The following TOPAZ1 variants were observed in gnomAD, a reference collection of about 807,000 sequenced individuals.
TOPAZ1 encodes protein TOPAZ1.
Under a neutral mutation model 172.2 loss-of-function variants are expected in TOPAZ1, and 66 were observed. That is an observed-to-expected ratio of 0.38 (90% CI 0.31 to 0.47). The LOEUF is 0.47. TOPAZ1 is among the 20% of genes least tolerant of loss of function. TOPAZ1 has a pLI of 0.99. For synonymous variants in TOPAZ1, 681 were observed against 683.9 expected, an observed-to-expected ratio of 1.00 and a Z score of 0.07; for missense variants, 1,822 against 1,972.4, an observed-to-expected ratio of 0.92 and a Z score of 1.44.
In TOPAZ1 at chr3:44,268,363, A is replaced by ATTTTTTTTTTTTTTTTTTTTTTT. The variant is rs1293339613; in HGVS notation, c.3161-851_3161-850insTTTTTTTTTTTTTTTTTTTTTTT. ...AAAGAGTGTAAGCTCTGTGGTGCCT[A>ATTTTTTTTTTTTTTTTTTTTTTT]TTCTTTTTTTTTTTTTTTTTTTTTT... On this transcript the variant is annotated intron_variant, in intron 6 of 19. Coordinates refer to ENST00000309765, the MANE Select transcript of TOPAZ1 (RefSeq NM_001145030.2). Among the ~76,000 whole-genome samples, 2 of 91,758 alleles carry ATTTTTTTTTTTTTTTTTTTTTTT rather than the reference A, an allele frequency of 2.2e-5. 1 individual carries two copies. Among genetic ancestry groups the ATTTTTTTTTTTTTTTTTTTTTTT allele is most frequent in the Non-Finnish European group, 4.4e-5 (2 of 45,472 alleles). The allele number at this position is 91,758 out of a possible 152,430, so 60.2% of individuals were successfully genotyped here.
intron 9 of TOPAZ1, among the ~76,000 whole-genome samples, chr3:44,285,431 A>G (rs1559537165): frequency 6.6e-6 from 1 of 152,120 alleles, no homozygotes; most frequent in Non-Finnish European, 1.5e-5. Context: ...ACAACACTGC[A>G]CTCCAGCACT....
rs891619028 is a variant in TOPAZ1 at position 44,243,878 on chromosome 3, A to G, written c.1372A>G (p.Asn458Asp). 11 of 1,551,796 alleles carry G rather than the reference A, an allele frequency of 7.1e-6. No individual in the cohort carries two copies. The highest frequency in any genetic ancestry group is 1.4e-5 in the African/African-American group (1 of 72,990). The change falls in exon 2 of 20, where the codon AAT becomes GAT. Residue 458 changes from asparagine to aspartate, a missense_variant. Coordinates refer to ENST00000309765, the MANE Select transcript of TOPAZ1 (RefSeq NM_001145030.2). ...GAAAAGCTTCATAGGGAAATCACCT[A>G]ATGAGTACCATATTGAAAGGAGATC... ...SMKSFIGKSP[N>D]EYHIERRSSR...
chr3:44,281,003 AACCCCCTACATTAGTCTCAGG>A (rs1400720294), intron 8 of TOPAZ1, among the ~76,000 whole-genome samples: 2 of 152,178 alleles, frequency 1.3e-5, no homozygotes, highest in African/African-American at 4.8e-5. Flanking sequence ...TTTTCCAGGC[AACCCCCTACATTAGTCTCAGG>A]ACCCACAAGG....
rs1559532492 is a variant in TOPAZ1 at position 44,270,829 on chromosome 3, T to G, written c.3372+19T>G. ...TGAAAAGGTAAAACATATAAAGTCT[T>G]TAAAGTAGAGATTGTTTTAATAACT... On this transcript the variant is annotated intron_variant, in intron 8 of 19. Coordinates refer to ENST00000309765, the MANE Select transcript of TOPAZ1 (RefSeq NM_001145030.2). The G allele has an allele frequency of 5.2e-6, 8 of 1,532,244 alleles. No homozygotes were observed. The highest frequency in any genetic ancestry group is 7.0e-6 in the Non-Finnish European group (8 of 1,139,236). The allele number at this position is 1,532,244 out of a possible 1,614,324, so 94.9% of individuals were successfully genotyped here. A position where few individuals can be genotyped will look rare whatever the true frequency, so the allele number is the denominator to read the frequency against.
chr3:44,242,040 C>G lies in TOPAZ1; in HGVS notation c.-14C>G. 1.9e-6 allele frequency: 3 copies of G among 1,538,786 alleles called. No homozygotes were observed. Among genetic ancestry groups the G allele is most frequent in the Non-Finnish European group, 2.6e-6 (3 of 1,145,236 alleles). On this transcript the variant is annotated 5_prime_UTR_variant, in exon 1 of 20. Coordinates refer to ENST00000309765, the MANE Select transcript of TOPAZ1 (RefSeq NM_001145030.2). ...CTGGTGCAGAGGGGCCCCAGCGGGC[C>G]GGCCCCGGGGCACATGCGACGACCT...
chr3:44,244,085 A>G lies in TOPAZ1; in HGVS notation c.1579A>G (p.Arg527Gly). The change falls in exon 2 of 20, where the codon AGG becomes GGG. Residue 527 changes from arginine (R) to glycine (G), a missense_variant. Around this residue, in one of 2 missense-constraint regions of TOPAZ1, gnomAD observed 1,489 missense variants for 1,490.8 expected, o/e 1.00. Transcript: ENST00000309765. ...YFLRGSQESC[R>G]QVDVPKHQTN... ...TCTTCGTGGGTCTCAGGAAAGTTGT[A>G]GGCAAGTTGATGTCCCTAAACACCA... The G allele has an allele frequency of 6.4e-7, 1 of 1,551,746 alleles. No homozygotes were observed. Among genetic ancestry groups the G allele is most frequent in the East Asian group, 2.4e-5 (1 of 40,916 alleles).
chr3:44,305,425 A>T, intron 14 of TOPAZ1, 104 bp downstream of exon 14: 1 of 1,012,942 alleles, frequency 9.9e-7, no homozygotes, highest in Non-Finnish European at 1.4e-6. Context: ...GCTGGAGTAC[A>T]GGGGTGCGGT....
intron 13 of TOPAZ1, 139 bp downstream of exon 13, chr3:44,304,220 AAG>A: frequency 2.0e-6 from 1 of 501,666 alleles, no homozygotes; most frequent in Non-Finnish European, 3.5e-6. Context: ...CAAGGAAAGG[AAG>A]TTTTGTTTTT....
At chr3:44,280,478 T>C (rs1284505080) in intron 8 of TOPAZ1, among the ~76,000 whole-genome samples, 1 of 151,964 alleles carries the variant, frequency 6.6e-6, no homozygotes, top group Non-Finnish European at 1.5e-5. Context: ...GCCTCCCAAG[T>C]AGCTGGGACT....
intron 9 of TOPAZ1, among the ~76,000 whole-genome samples, chr3:44,283,234 C>A (rs1171757711): frequency 1.3e-5 from 2 of 150,508 alleles, no homozygotes; most frequent in African/African-American, 2.5e-5. Flanking sequence ...TTGTCAAGAA[C>A]CTGTGGAAAT....
At chr3:44,261,462 T>C (rs771030268) in intron 4 of TOPAZ1, among the ~76,000 whole-genome samples, 9 of 152,102 alleles carry the variant, frequency 5.9e-5, no homozygotes, top group Admixed American at 2.0e-4. Flanking sequence ...GATCAGATGG[T>C]TGTAGGTGTG....
intron 5 of TOPAZ1, among the ~76,000 whole-genome samples, chr3:44,263,287 T>C (rs1699794838): frequency 6.6e-6 from 1 of 152,140 alleles, no homozygotes; most frequent in Non-Finnish European, 1.5e-5. Flanking sequence ...GCAATAAGAT[T>C]AACTTTTTTT....
At chr3:44,331,235 T>C (rs942914313) in intron 19 of TOPAZ1, among the ~76,000 whole-genome samples, 2 of 152,192 alleles carry the variant, frequency 1.3e-5, no homozygotes, top group East Asian at 1.9e-4. Flanking sequence ...TTACAACCAG[T>C]ATTATTTTTA....
chr3:44,330,973 T>C (rs1423402044), intron 19 of TOPAZ1, among the ~76,000 whole-genome samples: 1 of 152,244 alleles, frequency 6.6e-6, no homozygotes, highest in East Asian at 1.9e-4. Flanking sequence ...CCTATAGCTA[T>C]ACAACTTGTT....
At chr3:44,274,561 ATT>A (rs34971677) in intron 8 of TOPAZ1, among the ~76,000 whole-genome samples, 3 of 144,362 alleles carry the variant, frequency 2.1e-5, no homozygotes, top group Non-Finnish European at 4.5e-5. Flanking sequence ...AAAGCCTTAA[ATT>A]TTTTTTTTTT....
In TOPAZ1 at chr3:44,245,231, A is replaced by G. The variant is rs1181116094; in HGVS notation, c.2725A>G (p.Met909Val). 42 of 1,543,756 alleles carry G rather than the reference A, an allele frequency of 2.7e-5. No individual in the cohort carries two copies. In the Middle Eastern group the frequency reaches 6.7e-4, roughly 25 times the overall value. Residue 909 changes from methionine to valine, a missense_variant, in exon 2 of 20, where the codon ATG becomes GTG. Physicochemically the swap from Met to Val is conservative, Grantham distance 21 (BLOSUM62 1). Around this residue, in one of 2 missense-constraint regions of TOPAZ1, gnomAD observed 1,489 missense variants for 1,490.8 expected, o/e 1.00. Coordinates refer to ENST00000309765, the MANE Select transcript of TOPAZ1 (RefSeq NM_001145030.2). ...GCACCAATCAACAGACTCCAAGTAC[A>G]TGGAAACTCCAGTAAAAAAAGAACC... ...GEHQSTDSKY[M>V]ETPVKKEPSD...
At chr3:44,293,299 TA>T (rs1700160644) in intron 12 of TOPAZ1, among the ~76,000 whole-genome samples, 1 of 152,242 alleles carries the variant, frequency 6.6e-6, no homozygotes. Flanking sequence ...CTCCTACTTA[TA>T]TTTTTTTAAA....
chr3:44,245,539 T>G (rs1448644700), intron 2 of TOPAZ1, among the ~76,000 whole-genome samples: 1 of 143,530 alleles, frequency 7.0e-6, no homozygotes, highest in East Asian at 2.0e-4. Flanking sequence ...GCTTTTTTTT[T>G]TTTTTTTTTT....
At chr3:44,248,939 C>T (rs1699597797) in intron 2 of TOPAZ1, among the ~76,000 whole-genome samples, 1 of 152,108 alleles carries the variant, frequency 6.6e-6, no homozygotes, top group African/African-American at 2.4e-5. Context: ...TTTTTAGTCT[C>T]CACAGTGGGG....
Sources: gnomAD v4.1 joint callset for allele counts (sites outside exome capture counted in the v4.1 genomes callset) on GRCh38, gnomAD v4.1.1 for gene constraint, gnomAD v4.1.1 regional missense constraint, MANE v1.5 for transcripts, NCBI Gene and HGNC (gene_info 2026-07-23, HGNC 2026-07-21) for gene names.